Variants in BLOC1S5 observed in about 807,000 individuals in gnomAD.
BLOC1S5 encodes biogenesis of lysosomal organelles complex 1 subunit 5.
Under a neutral mutation model 24.3 loss-of-function variants are expected in BLOC1S5, and 27 were observed. That is an observed-to-expected ratio of 1.11 (90% confidence interval 0.82 to 1.53). BLOC1S5 has a LOEUF of 1.53. Ranked by LOEUF, BLOC1S5 falls within the 40% of genes most tolerant of loss-of-function variation. The probability of loss-of-function intolerance (pLI) is 0.00; values close to 1 mark genes in which losing one functional copy is unlikely to be tolerated. For missense variants in BLOC1S5, 239 were observed against 229.4 expected (o/e 1.04, Z -0.27); for synonymous variants, 84 against 74.5 (o/e 1.13, Z -0.66).
At chr6:8,019,126 C>T (rs1322414169) in intron 4 of BLOC1S5, among the ~76,000 whole-genome samples, 6 of 152,164 alleles carry the variant, frequency 3.9e-5, no homozygotes, top group Admixed American at 6.5e-5. Context: ...CCTTGTAGGC[C>T]GAGTGAAAAT....
At chr6:8,041,655 C>CTTTTTTTTTTTTTTTTTTTTTTT (rs1554139177) in intron 2 of BLOC1S5, among the ~76,000 whole-genome samples, 4 of 111,870 alleles carry the variant, frequency 3.6e-5, no homozygotes, top group African/African-American at 6.4e-5. Flanking sequence ...TTCTTTCTTT[C>CTTTTTTTTTTTTTTTTTTTTTTT]TTTTTTTTTG....
At position 8,019,991 on chromosome 6, in the gene BLOC1S5, A is replaced by G. The variant is rs543597250; in HGVS notation, c.385-4163T>C. Among the ~76,000 whole-genome samples the G allele has an allele frequency of 2.6e-5, 4 of 152,374 alleles. No individual in the cohort carries two copies. The East Asian group carries it at 7.7e-4, about 29-fold the overall frequency. On this transcript the variant is annotated intron_variant, in intron 4 of 4. Coordinates refer to ENST00000397457, the MANE Select transcript of BLOC1S5 (RefSeq NM_201280.3). ...CTTAAAACACACAGTATCTGAGGGCAGTTGGTACAGAAACATAGCACAGTG... is the reference window on the plus strand; with the variant it reads ...CTTAAAACACACAGTATCTGAGGGCGGTTGGTACAGAAACATAGCACAGTG...
chr6:8,034,984 C>T (rs756555266), intron 3 of BLOC1S5, among the ~76,000 whole-genome samples: 3 of 146,196 alleles, frequency 2.1e-5, no homozygotes, highest in Non-Finnish European at 4.4e-5. Flanking sequence ...TACACATATA[C>T]ACACACACCA....
chr6:8,018,204 C>T (rs918424723), intron 4 of BLOC1S5: 4 of 152,138 alleles, frequency 2.6e-5, no homozygotes, highest in African/African-American at 9.7e-5. Context: ...AACTTTTCAG[C>T]CTTATAGATT....
intron 4 of BLOC1S5, among the ~76,000 whole-genome samples, chr6:8,023,677 T>C (rs1010422209): frequency 7.9e-5 from 12 of 152,206 alleles, no homozygotes; most frequent in African/African-American, 2.7e-4. Context: ...CTTTCAAATA[T>C]ACAAAATGTA....
chr6:8,046,846 G>A (rs1050313128), intron 2 of BLOC1S5, among the ~76,000 whole-genome samples: 1 of 152,060 alleles, frequency 6.6e-6, no homozygotes, highest in Non-Finnish European at 1.5e-5. Context: ...TGTGATCATG[G>A]CTCACTGCAG....
chr6:8,048,028 G>A (rs1181188546), intron 2 of BLOC1S5, among the ~76,000 whole-genome samples: 1 of 152,170 alleles, frequency 6.6e-6, no homozygotes, highest in Non-Finnish European at 1.5e-5. Context: ...TGATTAGAAA[G>A]GTTTTTTGTT....
At chr6:8,058,491 G>T (rs554494320) in intron 2 of BLOC1S5, among the ~76,000 whole-genome samples, 10 of 151,584 alleles carry the variant, frequency 6.6e-5, no homozygotes, top group African/African-American at 2.4e-4. Flanking sequence ...CAAGAGAATG[G>T]TCTCTTAGTT....
rs76337010 is a variant in BLOC1S5, at chr6:8,013,750, C to A, written c.*1899G>T. On this transcript the variant is annotated 3_prime_UTR_variant, in exon 5 of 5. Transcript: ENST00000397457. ...CGCATTCCAAAAAGTGTCTACGGTA[C>A]AAAGGGAATTTTCATTTAAGGCTCC... 3 of 152,136 alleles carry A rather than the reference C, an allele frequency of 2.0e-5. No individual in the cohort carries two copies. Among genetic ancestry groups the A allele is most frequent in the East Asian group, 1.9e-4 (1 of 5,194 alleles). The allele number at this position is 152,136 out of a possible 1,614,324, so 9.4% of individuals were successfully genotyped here. A position where few individuals can be genotyped will look rare whatever the true frequency, so the allele number is the denominator to read the frequency against.
chr6:8,023,855 CAT>C (rs753678090), intron 4 of BLOC1S5, among the ~76,000 whole-genome samples: 8 of 150,110 alleles, frequency 5.3e-5, no homozygotes, highest in Admixed American at 1.3e-4. Context: ...TATATGTGCA[CAT>C]GTGTATGTGT....
intron 2 of BLOC1S5, among the ~76,000 whole-genome samples, chr6:8,047,936 G>A (rs1050194488): frequency 6.6e-6 from 1 of 152,182 alleles, no homozygotes; most frequent in African/African-American, 2.4e-5. Flanking sequence ...ACATACAAAA[G>A]GCAAGACAGA....
intron 3 of BLOC1S5, chr6:8,027,281 T>C (rs1763139541): frequency 4.4e-6 from 2 of 453,108 alleles, no homozygotes; most frequent in Admixed American, 2.4e-5. Flanking sequence ...GTTGTGTGAA[T>C]GATCTTGGGC....
intron 4 of BLOC1S5, among the ~76,000 whole-genome samples, chr6:8,017,437 T>C (rs191845910): frequency 1.3e-5 from 2 of 152,122 alleles, no homozygotes; most frequent in Admixed American, 1.3e-4. Flanking sequence ...ACTGTTAATT[T>C]TGGCATGTTA....
chr6:8,044,462 G>C (rs1284752370), intron 2 of BLOC1S5, among the ~76,000 whole-genome samples: 2 of 152,090 alleles, frequency 1.3e-5, no homozygotes, highest in African/African-American at 4.8e-5. Flanking sequence ...CAGTAGAGTG[G>C]GGCGTGGCTG....
In BLOC1S5 at chr6:8,026,401, C is replaced by T; in HGVS notation, c.350G>A (p.Cys117Tyr). 2 of 1,613,362 alleles carry T rather than the reference C, an allele frequency of 1.2e-6. No homozygotes were observed. The highest frequency in any genetic ancestry group is 1.7e-6 in the Non-Finnish European group (2 of 1,179,646). ...TTCCTGTTCCCTCTGTTGGAGTCTA[C>T]AGACTGAGTCATTAGCTGCTTGCAC... ...QRLQAANDSV[C>Y]RLQQREQERK... The change falls in exon 4 of 5, where the codon TGT becomes TAT. Residue 117 changes from cysteine (C) to tyrosine (Y), a missense_variant. Physicochemically the swap from Cys to Tyr is radical, Grantham distance 194. Transcript: ENST00000397457.
chr6:8,033,831 C>A (rs1223594869), intron 3 of BLOC1S5, among the ~76,000 whole-genome samples: 2 of 152,208 alleles, frequency 1.3e-5, no homozygotes, highest in African/African-American at 4.8e-5. Context: ...TATGAACAGA[C>A]ACTTCTCAAA....
At chr6:8,026,914 T>A (rs1763127249) in intron 3 of BLOC1S5, among the ~76,000 whole-genome samples, 1 of 152,228 alleles carries the variant, frequency 6.6e-6, no homozygotes, top group South Asian at 2.1e-4. Flanking sequence ...AAGATCTATG[T>A]ATTATCCCTC....
intron 3 of BLOC1S5, 40 bp from the exon 4 acceptor site, chr6:8,026,465 T>C (rs762454807): frequency 1.0e-5 from 16 of 1,544,430 alleles, no homozygotes; most frequent in Middle Eastern, 3.4e-4. Context: ...CAGCAGACCA[T>C]GTTCAAGGAA....
chr6:8,041,252 C>T lies in BLOC1S5; in HGVS notation c.212G>A (p.Arg71Gln), dbSNP rs758659311. 3.8e-5 allele frequency: 61 copies of T among 1,609,146 alleles called. No homozygotes were observed. In the South Asian group the frequency reaches 5.2e-4, roughly 14 times the overall value. Reference protein sequence around the residue: ...VKEFEEKRGLREMRVLENLKN... With the variant: ...VKEFEEKRGLQEMRVLENLKN... ...CAAATTTTCAAGAACTCGCATTTCTCGAAGACCACGTTTTTCCTATTAAAA... is the reference window on the plus strand; with the variant it reads ...CAAATTTTCAAGAACTCGCATTTCTTGAAGACCACGTTTTTCCTATTAAAA... Residue 71 changes from arginine to glutamine, a missense_variant, in exon 3 of 5, where the codon CGA becomes CAA. Transcript: ENST00000397457.
Sources: gnomAD v4.1 joint callset for allele counts (sites outside exome capture counted in the v4.1 genomes callset) on GRCh38, gnomAD v4.1.1 for gene constraint, MANE v1.5 for transcripts, NCBI Gene and HGNC (gene_info 2026-07-23, HGNC 2026-07-21) for gene names.